Variants in CTSC observed in about 807,000 individuals in gnomAD.
The protein encoded by CTSC is dipeptidyl peptidase 1.
CTSC carries 37 observed loss-of-function variants against 40.9 expected under a neutral mutation model. The ratio of observed to expected loss-of-function variants is 0.91; its 90% CI spans 0.70 to 1.19. The LOEUF is 1.19. CTSC is among the 50% of genes most tolerant of loss of function. The pLI, the probability that CTSC is intolerant of heterozygous loss-of-function variation, is 0.00. For missense variants in CTSC, 594 were observed against 567.3 expected, an observed-to-expected ratio of 1.05 and a Z score of -0.48; for synonymous variants, 232 against 207.4, an observed-to-expected ratio of 1.12 and a Z score of -1.02.
chr11:88,326,464 G>A, intron 2 of CTSC: 1 of 1,513,712 alleles, frequency 6.6e-7, no homozygotes, highest in Non-Finnish European at 9.2e-7. Context: ...ATAAAAACTA[G>A]GGTTACAAGC....
intron 4 of CTSC, among the ~76,000 whole-genome samples, chr11:88,306,503 G>C (rs10830625): frequency 0.28 from 41,786 of 151,056 alleles, 7,035 homozygotes; most frequent in East Asian, 0.56. Flanking sequence ...ACATCCAGAG[G>C]AGCAGAGGAA....
Position 88,294,352 on chromosome 11 carries a change from C to G in CTSC, c.1046G>C (p.Gly349Ala), listed in dbSNP as rs1164228158. The G allele has an allele frequency of 1.2e-6, 2 of 1,613,988 alleles. No homozygotes were observed. Among genetic ancestry groups the G allele is most frequent in the Non-Finnish European group, 1.7e-6 (2 of 1,180,022 alleles). Residue 349 changes from glycine to alanine, a missense_variant, in exon 7 of 7, where the codon GGA (glycine) becomes GCA (alanine). Gly to Ala is a moderately conservative substitution (Grantham distance 60). Coordinates refer to ENST00000227266, the MANE Select transcript of CTSC (RefSeq NM_001814.6). ...TTCATTGCAGCCTCCATAGAAACCT[C>G]CTACATAGTGGTACTCAGAGGAGTA... ...RYYSSEYHYV[G>A]GFYGGCNEAL...
chr11:88,326,435 A>G (rs912585436), intron 2 of CTSC: 3 of 1,610,980 alleles, frequency 1.9e-6, no homozygotes, highest in African/African-American at 2.7e-5. Context: ...CAGATGCTCT[A>G]TTTAATAACT....
At chr11:88,334,699 A>C in intron 2 of CTSC, 1 of 454,468 alleles carries the variant, frequency 2.2e-6, no homozygotes, top group East Asian at 3.9e-5. Flanking sequence ...CCAAAATGTA[A>C]ATTTTAAACA....
At chr11:88,301,678 A>C (rs1250664975) in intron 4 of CTSC, among the ~76,000 whole-genome samples, 2 of 152,166 alleles carry the variant, frequency 1.3e-5, no homozygotes, top group African/African-American at 2.4e-5. Flanking sequence ...GCTGTAAGAC[A>C]CACAAAGGAG....
intron 2 of CTSC, among the ~76,000 whole-genome samples, chr11:88,330,363 TTTATTA>T (rs927481084): frequency 4.6e-5 from 7 of 151,958 alleles, no homozygotes; most frequent in African/African-American, 9.7e-5. Flanking sequence ...CTTTCATTTT[TTTATTA>T]TTATTATTAT....
intron 4 of CTSC, among the ~76,000 whole-genome samples, chr11:88,308,569 C>T (rs1026255758): frequency 2.1e-4 from 32 of 151,588 alleles, no homozygotes; most frequent in Non-Finnish European, 1.0e-4. Flanking sequence ...GACCCAGCAA[C>T]CCCACTCCTA....
chr11:88,324,643 AT>A (rs1410092827), intron 2 of CTSC: 3 of 984,500 alleles, frequency 3.0e-6, no homozygotes, highest in East Asian at 1.1e-4. Flanking sequence ...CAGATTTTCA[AT>A]CTGGAAAGAG....
chr11:88,319,916 T>G (rs1282126680), intron 2 of CTSC, among the ~76,000 whole-genome samples: 1 of 152,094 alleles, frequency 6.6e-6, no homozygotes, highest in Non-Finnish European at 1.5e-5. Flanking sequence ...AAACAAAAAA[T>G]GTTTCCATTT....
At chr11:88,300,490 T>C in intron 5 of CTSC, 40 bp downstream of exon 5, 1 of 1,241,468 alleles carries the variant, frequency 8.1e-7, no homozygotes, top group Non-Finnish European at 1.2e-6. Context: ...AATAAATAGT[T>C]CCAAACAAAT....
At chr11:88,304,555 A>G (rs931299089) in intron 4 of CTSC, among the ~76,000 whole-genome samples, 1 of 152,208 alleles carries the variant, frequency 6.6e-6, no homozygotes, top group Non-Finnish European at 1.5e-5. Context: ...GAGCAACTCC[A>G]TCTTGAATAG....
chr11:88,296,331 C>T lies in CTSC; in HGVS notation c.758-67G>A, dbSNP rs1368428247. 3 of 1,592,710 alleles carry T rather than the reference C, an allele frequency of 1.9e-6. 1 individual carries two copies. Among genetic ancestry groups the T allele is most frequent in the East Asian group, 4.5e-5 (2 of 44,418 alleles). The stretch of plus-strand genomic sequence containing the variant: ...AGCCTCACAGAGAATCATGCAAAAA[C>T]CTTAGTGAATCACATACATTAATGT... On this transcript the variant is annotated intron_variant, in intron 5 of 6. Transcript: ENST00000227266.
intron 2 of CTSC, 73 bp from the exon 3 acceptor site, chr11:88,312,627 C>A: frequency 1.3e-6 from 2 of 1,516,986 alleles, no homozygotes; most frequent in South Asian, 1.1e-5. Context: ...CCATGGCTCT[C>A]ATTCACAGTA....
At chr11:88,307,748 A>C (rs978471030) in intron 4 of CTSC, among the ~76,000 whole-genome samples, 1 of 152,130 alleles carries the variant, frequency 6.6e-6, no homozygotes, top group Non-Finnish European at 1.5e-5. Context: ...AAAGCAGAGC[A>C]AGGTGATAAA....
At chr11:88,321,136 C>T (rs1937997400) in intron 2 of CTSC, 1 of 599,646 alleles carries the variant, frequency 1.7e-6, no homozygotes, top group Non-Finnish European at 2.1e-6. Context: ...AATATATATA[C>T]ATATATATTT....
At chr11:88,330,908 T>G (rs1017497398) in intron 2 of CTSC, among the ~76,000 whole-genome samples, 3 of 152,210 alleles carry the variant, frequency 2.0e-5, no homozygotes, top group East Asian at 1.9e-4. Flanking sequence ...TAAAGCAAGT[T>G]TCTAGCAATA....
At chr11:88,321,310 A>G (rs1227412256) in intron 2 of CTSC, 1 of 152,256 alleles carries the variant, frequency 6.6e-6, no homozygotes, top group African/African-American at 2.4e-5. Context: ...AGACCTTGGC[A>G]ATGACCTTGA....
At chr11:88,325,493 C>CT (rs1225499928) in intron 2 of CTSC, 4 of 985,228 alleles carry the variant, frequency 4.1e-6, no homozygotes, top group Non-Finnish European at 4.8e-6. Context: ...TGTGAAATGG[C>CT]TTTTTTCACT....
At position 88,293,920 on chromosome 11, in the gene CTSC, T is replaced by C. The variant is rs765710264; in HGVS notation, c.*86A>G. ...GAAATCTATTTGTAAGCTTCTGAGA[T>C]TGCTGCTGAAAGTCTACAGTCTGTG... On this transcript the variant is annotated 3_prime_UTR_variant, in exon 7 of 7. Coordinates refer to ENST00000227266, the MANE Select transcript of CTSC (RefSeq NM_001814.6). 43 of 1,418,818 alleles carry C rather than the reference T, an allele frequency of 3.0e-5. No individual in the cohort carries two copies. The Middle Eastern group carries it at 7.1e-4, about 23-fold the overall frequency. 87.9% of individuals were successfully genotyped at this position (1,418,818 alleles called of 1,614,324 possible).
Sources: gnomAD v4.1 joint callset for allele counts (sites outside exome capture counted in the v4.1 genomes callset) on GRCh38, gnomAD v4.1.1 for gene constraint, MANE v1.5 for transcripts, NCBI Gene and HGNC (gene_info 2026-07-23, HGNC 2026-07-21) for gene names.